The following SLC28A1 variants were observed in gnomAD, a reference collection of about 807,000 sequenced individuals.
SLC28A1 encodes sodium/nucleoside cotransporter 1.
In SLC28A1, 64 loss-of-function variants were observed where a neutral mutation model predicts 74.8. That is an observed-to-expected ratio of 0.86 (90% CI 0.70 to 1.05). The LOEUF is 1.05. Among genes scored for constraint, SLC28A1 ranks in the 50% least tolerant of loss-of-function variants. The pLI is 0.00. For missense variants in SLC28A1, 828 were observed against 822.8 expected (o/e 1.01, Z -0.08); for synonymous variants, 359 against 335.0 (o/e 1.07, Z -0.78).
At chr15:84,967,330 C>T in the SLC28A1 span, among the ~76,000 whole-genome samples, 1 of 152,160 alleles carries the variant, frequency 6.6e-6, no homozygotes. Flanking sequence ...AAACTTTCTA[C>T]CCCCCACCTC....
intron 7 of SLC28A1, 141 bp from the exon 8 acceptor site, chr15:84,905,398 C>A (rs769491781): frequency 1.5e-6 from 1 of 683,044 alleles, no homozygotes; most frequent in Admixed American, 2.1e-5. Flanking sequence ...GAGGGTGTGA[C>A]CACTGGCAAC....
chr15:84,934,316 G>C (rs1343490514), intron 13 of SLC28A1, among the ~76,000 whole-genome samples: 1 of 152,178 alleles, frequency 6.6e-6, no homozygotes, highest in Non-Finnish European at 1.5e-5. Context: ...GTTGAGGAGG[G>C]TCATAGAAAG....
chr15:84,931,921 A>T (rs1417893040), intron 12 of SLC28A1, among the ~76,000 whole-genome samples: 2 of 151,876 alleles, frequency 1.3e-5, no homozygotes, highest in African/African-American at 4.8e-5. Flanking sequence ...AGAATTGCTT[A>T]AACCCAGGAG....
At chr15:84,930,411 G>A (rs954267298) in intron 12 of SLC28A1, among the ~76,000 whole-genome samples, 3 of 152,238 alleles carry the variant, frequency 2.0e-5, no homozygotes, top group Non-Finnish European at 4.4e-5. Flanking sequence ...GGGCCCTGGG[G>A]AGGTATCAGG....
At position 84,904,189 on chromosome 15, in the gene SLC28A1, T is replaced by C. The variant is rs1461355653; in HGVS notation, c.554T>C (p.Ile185Thr). ...RPEQLVSFAG[I>T]CVFVALLFAC... ...GAGCAACTGGTGTCCTTCGCAGGAA[T>C]CTGCGTGTTCGTCGCTCTCCTCTTT... The change falls in exon 7 of 19, where the codon ATC becomes ACC. Residue 185 changes from isoleucine to threonine, a missense_variant. Coordinates refer to ENST00000394573, the MANE Select transcript of SLC28A1 (RefSeq NM_004213.5). 6.2e-7 allele frequency: 1 copy of C among 1,614,212 alleles called. No individual in the cohort carries two copies. Among genetic ancestry groups the C allele is most frequent in the East Asian group, 2.2e-5 (1 of 44,876 alleles).
At chr15:84,903,235 G>A (rs1424448789) in intron 6 of SLC28A1, among the ~76,000 whole-genome samples, 2 of 152,170 alleles carry the variant, frequency 1.3e-5, no homozygotes, top group Non-Finnish European at 2.9e-5. Context: ...AGCTAGGACC[G>A]GCCTGGATAA....
chr15:84,886,326 A>G, intron 1 of SLC28A1: 2 of 985,342 alleles, frequency 2.0e-6, no homozygotes, highest in Non-Finnish European at 2.4e-6. Flanking sequence ...GCAAAATGAA[A>G]GATAAAATGC....
intron 15 of SLC28A1, chr15:84,938,320 CT>C (rs60579971): frequency 0.9 from 137,019 of 151,738 alleles, 62,099 homozygotes; most frequent in African/African-American, 0.98. Flanking sequence ...CCTTCCTGTT[CT>C]TTTTTTTTCT....
At chr15:84,923,783 C>T (rs2141935175) in intron 11 of SLC28A1, among the ~76,000 whole-genome samples, 1 of 152,238 alleles carries the variant, frequency 6.6e-6, no homozygotes, top group South Asian at 2.1e-4. Flanking sequence ...CATTGTCAGG[C>T]CGGGAGGGAG....
intron 13 of SLC28A1, 84 bp from the exon 14 acceptor site, chr15:84,934,942 G>T (rs1279431375): frequency 1.8e-6 from 2 of 1,136,592 alleles, no homozygotes; most frequent in Non-Finnish European, 2.7e-6. Context: ...GCTCTTCCAG[G>T]GTTCCTATTT....
At chr15:84,895,504 G>A (rs1965898343) in intron 6 of SLC28A1, 2 of 1,585,000 alleles carry the variant, frequency 1.3e-6, no homozygotes, top group Admixed American at 1.8e-5. Context: ...TCGGGGTCCA[G>A]GTGCTGGTAT....
chr15:84,926,692 C>G (rs934387965), intron 12 of SLC28A1: 6 of 345,112 alleles, frequency 1.7e-5, no homozygotes, highest in South Asian at 1.3e-4. Flanking sequence ...TAGCATTCAG[C>G]ATGAGAGTGA....
At chr15:84,912,141 TTC>T (rs749301540) in intron 9 of SLC28A1, among the ~76,000 whole-genome samples, 5 of 152,176 alleles carry the variant, frequency 3.3e-5, no homozygotes, top group Non-Finnish European at 7.3e-5. Flanking sequence ...GGCCACAGAA[TTC>T]TCTTTCTCAC....
chr15:84,971,018 G>A, the SLC28A1 span, among the ~76,000 whole-genome samples: 12 of 152,156 alleles, frequency 7.9e-5, no homozygotes, highest in African/African-American at 2.9e-4. Flanking sequence ...CTCCTGGCCG[G>A]CTGCAGGTTC....
At chr15:84,888,748 C>T in intron 3 of SLC28A1, 24 bp from the exon 4 acceptor site, 1 of 1,535,678 alleles carries the variant, frequency 6.5e-7, no homozygotes, top group Non-Finnish European at 8.8e-7. Flanking sequence ...GCAGGCCGAC[C>T]TGACGGCTCC....
At chr15:84,909,944 C>T (rs563996773) in intron 9 of SLC28A1, among the ~76,000 whole-genome samples, 17 of 152,352 alleles carry the variant, frequency 1.1e-4, no homozygotes, top group African/African-American at 4.1e-4. Context: ...ACCCAGGAGA[C>T]TTTTGGCCCA....
rs756560777 is a variant in SLC28A1 at position 84,935,087 on chromosome 15, G to A, written c.1276G>A (p.Ala426Thr). Reference sequence around the variant, plus strand: ...GGCCGCCATCTCCGTGAAGGTGGTCGCCAACATCGCTGCCAACCTGATTGC... The same window carrying A: ...GGCCGCCATCTCCGTGAAGGTGGTCACCAACATCGCTGCCAACCTGATTGC... ...TGAAISVKVV[A>T]NIAANLIAFL... Residue 426 changes from alanine to threonine, a missense_variant, in exon 14 of 19, where the codon GCC becomes ACC. Coordinates refer to ENST00000394573, the MANE Select transcript of SLC28A1 (RefSeq NM_004213.5). The A allele has an allele frequency of 1.1e-5, 18 of 1,613,892 alleles. No homozygotes were observed. The highest frequency in any genetic ancestry group is 9.3e-5 in the African/African-American group (7 of 74,922).
the SLC28A1 span, among the ~76,000 whole-genome samples, chr15:84,962,567 A>G: frequency 1.3e-5 from 2 of 152,016 alleles, no homozygotes; most frequent in Non-Finnish European, 1.5e-5. Context: ...CCTCTGGAGT[A>G]GCTGGAACTA....
chr15:84,974,744 G>T, the SLC28A1 span, among the ~76,000 whole-genome samples: 1 of 152,324 alleles, frequency 6.6e-6, no homozygotes, highest in Middle Eastern at 3.4e-3. Context: ...GGCACAAATG[G>T]TGTAGCTTTA....
Sources: gnomAD v4.1 joint callset for allele counts (sites outside exome capture counted in the v4.1 genomes callset) on GRCh38, gnomAD v4.1.1 for gene constraint, MANE v1.5 for transcripts, NCBI Gene and HGNC (gene_info 2026-07-23, HGNC 2026-07-21) for gene names.